NAV3: variants seen among roughly 807,000 people sequenced by gnomAD.
NAV3 encodes the protein neuron navigator 3, also known as pore membrane and/or filament interacting like protein 1.
A neutral mutation model predicts 244.7 loss-of-function variants in NAV3; 87 were observed. The ratio of observed to expected loss-of-function variants is 0.36; its 90% confidence interval spans 0.30 to 0.42. The LOEUF is 0.42. NAV3 is among the 20% of genes least tolerant of loss of function. NAV3 has a pLI of 1.00. For synonymous variants in NAV3, 1,126 were observed against 1,042.2 expected, an observed-to-expected ratio of 1.08 and a Z score of -1.55; for missense variants, 2,663 against 2,893.3, an observed-to-expected ratio of 0.92 and a Z score of 1.83.
intron 22 of NAV3, among the ~76,000 whole-genome samples, chr12:78,157,178 G>A (rs967817869): frequency 1.6e-4 from 25 of 152,072 alleles, no homozygotes; most frequent in Non-Finnish European, 3.1e-4. Context: ...ATGCATGAAT[G>A]TTCACTATGT....
intron 2 of NAV3, among the ~76,000 whole-genome samples, chr12:77,737,287 G>A (rs888222251): frequency 3.3e-5 from 5 of 149,786 alleles, no homozygotes; most frequent in Middle Eastern, 3.4e-3. Flanking sequence ...GAAATGCTGC[G>A]TTCACCCAAA....
At chr12:77,921,810 T>C (rs1294477168) in intron 1 of NAV3, among the ~76,000 whole-genome samples, 2 of 152,160 alleles carry the variant, frequency 1.3e-5, no homozygotes, top group African/African-American at 4.8e-5. Flanking sequence ...ATGGGTATTG[T>C]AGAGAGAGAG....
intron 1 of NAV3, among the ~76,000 whole-genome samples, chr12:77,937,937 T>C (rs1331314469): frequency 6.6e-6 from 1 of 152,166 alleles, no homozygotes; most frequent in African/African-American, 2.4e-5. Context: ...AATCCTATAA[T>C]GTAAGTATTA....
At chr12:78,103,831 A>G (rs1178339645) in intron 12 of NAV3, among the ~76,000 whole-genome samples, 1 of 152,222 alleles carries the variant, frequency 6.6e-6, no homozygotes, top group East Asian at 1.9e-4. Context: ...ATGATCTCCA[A>G]CCAGGTGCCT....
At chr12:77,824,856 G>A (rs904532104) in intron 2 of NAV3, among the ~76,000 whole-genome samples, 34 of 151,854 alleles carry the variant, frequency 2.2e-4, no homozygotes, top group Admixed American at 1.6e-3. Context: ...TTGCACCACT[G>A]CACTCCAGCC....
chr12:77,902,983 G>A (rs1435727807), intron 1 of NAV3, among the ~76,000 whole-genome samples: 3 of 152,130 alleles, frequency 2.0e-5, no homozygotes, highest in Non-Finnish European at 4.4e-5. Flanking sequence ...ACTGCCCAAT[G>A]AAATAAAAGA....
intron 26 of NAV3, 23 bp from the exon 27 acceptor site, chr12:78,177,118 G>T: frequency 6.2e-7 from 1 of 1,612,492 alleles, no homozygotes; most frequent in Non-Finnish European, 8.5e-7. Context: ...AGACAAGAAG[G>T]GTAATTTCTG....
intron 2 of NAV3, among the ~76,000 whole-genome samples, chr12:77,807,495 A>G (rs991313539): frequency 1.3e-5 from 2 of 152,338 alleles, no homozygotes; most frequent in African/African-American, 4.8e-5. Flanking sequence ...AGAATATTGA[A>G]TATTGATCCC....
chr12:78,109,708 TCA>T, intron 12 of NAV3, among the ~76,000 whole-genome samples: 1 of 151,962 alleles, frequency 6.6e-6, no homozygotes, highest in East Asian at 1.9e-4. Flanking sequence ...TATGATCATC[TCA>T]ATAGATGCAG....
intron 12 of NAV3, among the ~76,000 whole-genome samples, chr12:78,071,551 T>G (rs1041269716): frequency 2.0e-5 from 3 of 152,194 alleles, no homozygotes; most frequent in Admixed American, 1.3e-4. Context: ...AGAAGCTCTT[T>G]AGTTTAATTA....
chr12:77,954,042 GC>G (rs1313936527), intron 3 of NAV3, among the ~76,000 whole-genome samples: 3 of 152,092 alleles, frequency 2.0e-5, no homozygotes, highest in Admixed American at 1.3e-4. Flanking sequence ...TCCTTTTCTA[GC>G]TTATGGTGGA....
intron 1 of NAV3, among the ~76,000 whole-genome samples, chr12:77,832,985 T>C (rs993433092): frequency 6.6e-6 from 1 of 152,202 alleles, no homozygotes; most frequent in African/African-American, 2.4e-5. Flanking sequence ...ACTCTAGAAG[T>C]GAAAAAGAAA....
chr12:77,991,825 G>C (rs1303344609), intron 5 of NAV3, among the ~76,000 whole-genome samples: 2 of 152,150 alleles, frequency 1.3e-5, no homozygotes, highest in African/African-American at 4.8e-5. Flanking sequence ...GAGGTCAGGA[G>C]TTTGAGACCA....
intron 2 of NAV3, among the ~76,000 whole-genome samples, chr12:77,740,457 G>GA (rs1431040985): frequency 1.3e-5 from 2 of 151,910 alleles, no homozygotes; most frequent in African/African-American, 2.4e-5. Context: ...AAATCCATAG[G>GA]AAAAAATGTG....
rs948037185 is a variant in NAV3 at position 77,929,297 on chromosome 12, TTTTAGAGTTCCA to T, written c.244-11018_244-11007del. Among the ~76,000 whole-genome samples the T allele has an allele frequency of 2.6e-3, 398 of 151,890 alleles. 4 individuals carry two copies. Among genetic ancestry groups the T allele is most frequent in the African/African-American group, 8.1e-3 (336 of 41,524 alleles). Reference sequence around the variant, plus strand: ...ATTTTCTTAAAACCTAAAAACCAATTTTTAGAGTTCCATTTTTAGAGTTCCATTCCATTAGCC... The same window carrying T: ...ATTTTCTTAAAACCTAAAAACCAATTTTTTTAGAGTTCCATTCCATTAGCC... On this transcript the variant is annotated intron_variant, in intron 1 of 39. Coordinates refer to ENST00000397909, the MANE Select transcript of NAV3 (RefSeq NM_001024383.2).
At chr12:77,650,973 A>C (rs1872795018) in intron 2 of NAV3, among the ~76,000 whole-genome samples, 1 of 152,030 alleles carries the variant, frequency 6.6e-6, no homozygotes, top group Non-Finnish European at 1.5e-5. Flanking sequence ...ATTTTTTATA[A>C]ATATATAGTA....
chr12:77,583,954 C>T (rs1869485544), intron 2 of NAV3, among the ~76,000 whole-genome samples: 1 of 152,156 alleles, frequency 6.6e-6, no homozygotes, highest in Non-Finnish European at 1.5e-5. Flanking sequence ...ACCTTTAGGC[C>T]TTTGTACTGA....
At chr12:77,629,628 T>C (rs866030098) in intron 2 of NAV3, among the ~76,000 whole-genome samples, 2 of 151,172 alleles carry the variant, frequency 1.3e-5, no homozygotes, top group Non-Finnish European at 2.9e-5. Flanking sequence ...AAACATTAAA[T>C]GTTCTCTGCA....
At chr12:77,759,357 C>T (rs1869350573) in intron 2 of NAV3, among the ~76,000 whole-genome samples, 1 of 152,184 alleles carries the variant, frequency 6.6e-6, no homozygotes, top group African/African-American at 2.4e-5. Flanking sequence ...TATTACAAAG[C>T]TTGCCTAAAT....
Sources: allele counts gnomAD v4.1 joint callset (sites outside exome capture counted in the v4.1 genomes callset), GRCh38; gene constraint gnomAD v4.1.1; transcripts MANE v1.5; gene names NCBI Gene and HGNC (gene_info 2026-07-23, HGNC 2026-07-21).